Variants in PPP1R12A observed in about 807,000 individuals in gnomAD.
PPP1R12A encodes protein phosphatase 1 regulatory subunit 12A.
Under a neutral mutation model 139.6 loss-of-function variants are expected in PPP1R12A, and 19 were observed. The observed-to-expected ratio is 0.14, with a 90% confidence interval of 0.09 to 0.20. PPP1R12A has a LOEUF of 0.20. Among genes scored for constraint, PPP1R12A ranks in the 10% least tolerant of loss-of-function variants. PPP1R12A has a pLI of 1.00. For missense variants in PPP1R12A, 925 were observed against 1,211.5 expected (o/e 0.76, Z 3.51); for synonymous variants, 427 against 420.6 (o/e 1.02, Z -0.19).
At chr12:79,861,719 A>G (rs936900843) in intron 2 of PPP1R12A, among the ~76,000 whole-genome samples, 2 of 152,100 alleles carry the variant, frequency 1.3e-5, no homozygotes, top group Non-Finnish European at 2.9e-5. Context: ...GCAGTCTGAG[A>G]TCAACCTGCA....
At chr12:79,888,597 G>A (rs1884321630) in intron 1 of PPP1R12A, among the ~76,000 whole-genome samples, 4 of 152,160 alleles carry the variant, frequency 2.6e-5, no homozygotes, top group African/African-American at 9.7e-5. Context: ...GTTCTTCCTA[G>A]TAAAAATGGC....
chr12:79,891,826 T>C (rs1027588621), intron 1 of PPP1R12A, among the ~76,000 whole-genome samples: 36 of 152,142 alleles, frequency 2.4e-4, no homozygotes, highest in Non-Finnish European at 3.8e-4. Context: ...GAGAGACACA[T>C]GTGGCAAGGA....
chr12:79,803,188 AATAT>A (rs1255132686), intron 14 of PPP1R12A, among the ~76,000 whole-genome samples: 1 of 152,252 alleles, frequency 6.6e-6, no homozygotes, highest in African/African-American at 2.4e-5. Context: ...ATCAATTTGT[AATAT>A]AAACACATTT....
In PPP1R12A at chr12:79,808,584, A is replaced by G; in HGVS notation, c.1456-7T>C. 13 of 1,549,798 alleles carry G rather than the reference A, an allele frequency of 8.4e-6. No homozygotes were observed. The highest frequency in any genetic ancestry group is 1.2e-5 in the Non-Finnish European group (13 of 1,127,412). On this transcript the variant is annotated splice_polypyrimidine_tract_variant and splice_region_variant and intron_variant, in intron 10 of 24. Coordinates refer to ENST00000450142, the MANE Select transcript of PPP1R12A (RefSeq NM_002480.3). ...TTCCTTTACTATCTTTCTCCTACAC[A>G]ACAGGGAAAAAAATAAGTAAAAATT...
chr12:79,903,191 T>C lies in PPP1R12A; in HGVS notation c.238-30253A>G, dbSNP rs150814371. Among the ~76,000 whole-genome samples the C allele has an allele frequency of 5.4e-3, 822 of 152,196 alleles. 5 individuals carry two copies. Among genetic ancestry groups the C allele is most frequent in the African/African-American group, 0.019 (781 of 41,514 alleles). On this transcript the variant is annotated intron_variant, in intron 1 of 24. Transcript: ENST00000450142. ...TATAGGCCGGGCGTGGTGGCTCATGTCTGTAAATCCCAACATTTTGGGAGG... is the reference window on the plus strand; with the variant it reads ...TATAGGCCGGGCGTGGTGGCTCATGCCTGTAAATCCCAACATTTTGGGAGG...
chr12:79,841,042 C>T (rs1878638981), intron 3 of PPP1R12A, among the ~76,000 whole-genome samples: 1 of 148,110 alleles, frequency 6.8e-6, no homozygotes, highest in African/African-American at 2.5e-5. Context: ...TCTCCAATTC[C>T]TTTTTATTTA....
intron 22 of PPP1R12A, 79 bp downstream of exon 22, chr12:79,786,294 GA>G: frequency 1.2e-6 from 1 of 845,400 alleles, no homozygotes; most frequent in Admixed American, 3.5e-5. Context: ...TAGAGTATTA[GA>G]AAAAATTTTA....
intron 1 of PPP1R12A, among the ~76,000 whole-genome samples, chr12:79,893,930 A>C (rs1372082344): frequency 6.6e-6 from 1 of 152,204 alleles, no homozygotes; most frequent in Non-Finnish European, 1.5e-5. Context: ...TTTGTCACTT[A>C]TCACTGCTGC....
intron 5 of PPP1R12A, among the ~76,000 whole-genome samples, chr12:79,822,949 C>T (rs1876301522): frequency 6.6e-6 from 1 of 151,734 alleles, no homozygotes. Flanking sequence ...CCTTTTGAGA[C>T]TTTTTCTTTT....
At chr12:79,826,933 A>G (rs1876854862) in intron 5 of PPP1R12A, among the ~76,000 whole-genome samples, 1 of 152,216 alleles carries the variant, frequency 6.6e-6, no homozygotes. Context: ...GACATGTGGT[A>G]AAAGGTCACT....
intron 2 of PPP1R12A, among the ~76,000 whole-genome samples, chr12:79,870,908 T>C (rs1882500015): frequency 6.6e-6 from 1 of 152,210 alleles, no homozygotes; most frequent in African/African-American, 2.4e-5. Context: ...ATGGGATGTC[T>C]TCAGCAACTG....
intron 1 of PPP1R12A, 122 bp downstream of exon 1, chr12:79,934,573 C>A (rs1378636352): frequency 3.1e-6 from 3 of 961,236 alleles, no homozygotes; most frequent in Admixed American, 3.2e-5. Context: ...CGCCCCCTCA[C>A]CCCGCAGCAG....
At position 79,832,445 on chromosome 12, in the gene PPP1R12A, A is replaced by G; in HGVS notation, c.534T>C (p.Leu178=). 6.2e-7 allele frequency: 1 copy of G among 1,613,092 alleles called. No homozygotes were observed. ...AARKEEERIM[L]RDARQWLNSG... is the part of the protein sequence containing the mutation. Reference sequence around the variant, plus strand: ...TATTTAGCCACTGCCTGGCATCTCTAAGCATGATCCGTTCTTCTTCCTTTC... The same window carrying G: ...TATTTAGCCACTGCCTGGCATCTCTGAGCATGATCCGTTCTTCTTCCTTTC... The change falls in exon 4 of 25, where the codon CTT becomes CTC. Residue 178 remains leucine, a synonymous_variant. Coordinates refer to ENST00000450142, the MANE Select transcript of PPP1R12A (RefSeq NM_002480.3).
At chr12:79,851,472 T>C (rs931649487) in intron 2 of PPP1R12A, among the ~76,000 whole-genome samples, 3 of 152,206 alleles carry the variant, frequency 2.0e-5, no homozygotes, top group Non-Finnish European at 2.9e-5. Flanking sequence ...AAATGTGACA[T>C]GTAGTCTCCA....
intron 2 of PPP1R12A, among the ~76,000 whole-genome samples, chr12:79,867,661 T>A (rs532322040): frequency 6.6e-6 from 1 of 152,170 alleles, no homozygotes; most frequent in Admixed American, 6.5e-5. Context: ...GGTAATATGG[T>A]TTGGCTGTGT....
intron 6 of PPP1R12A, 102 bp from the exon 7 acceptor site, chr12:79,821,268 A>C: frequency 1.3e-6 from 1 of 760,574 alleles, no homozygotes; most frequent in Non-Finnish European, 2.1e-6. Flanking sequence ...CAGACATTAA[A>C]TAAGACAAAA....
chr12:79,845,783 C>A (rs1333138096), intron 2 of PPP1R12A, among the ~76,000 whole-genome samples: 2 of 102,610 alleles, frequency 1.9e-5, no homozygotes. Flanking sequence ...TTGCAGTGAG[C>A]TGAGATCAAG....
At chr12:79,926,805 C>A (rs1343452401) in intron 1 of PPP1R12A, among the ~76,000 whole-genome samples, 1 of 152,046 alleles carries the variant, frequency 6.6e-6, no homozygotes, top group Non-Finnish European at 1.5e-5. Flanking sequence ...CCCCCACCCC[C>A]AGTATCCATG....
intron 5 of PPP1R12A, among the ~76,000 whole-genome samples, chr12:79,827,496 C>T (rs999648854): frequency 1.1e-4 from 17 of 151,926 alleles, no homozygotes; most frequent in African/African-American, 3.9e-4. Flanking sequence ...GTAATCAAAC[C>T]CACTAGAGGA....
Sources: gnomAD v4.1 joint callset for allele counts (sites outside exome capture counted in the v4.1 genomes callset) on GRCh38, gnomAD v4.1.1 for gene constraint, MANE v1.5 for transcripts, NCBI Gene and HGNC (gene_info 2026-07-23, HGNC 2026-07-21) for gene names.